Variants in CYYR1 observed in about 807,000 individuals in gnomAD.
CYYR1 encodes the protein cysteine and tyrosine-rich protein 1.
Under a neutral mutation model 15.2 loss-of-function variants are expected in CYYR1, and 14 were observed. That is an observed-to-expected ratio of 0.92 (90% CI 0.61 to 1.44). CYYR1 has a LOEUF of 1.44. CYYR1 is among the 40% of genes most tolerant of loss of function. The pLI, the probability that CYYR1 is intolerant of heterozygous loss-of-function variation, is 0.00. For synonymous variants in CYYR1, 80 were observed against 77.4 expected, an observed-to-expected ratio of 1.03 and a Z score of -0.18; for missense variants, 228 against 209.5, an observed-to-expected ratio of 1.09 and a Z score of -0.54.
Position 26,573,162 on chromosome 21 carries a change from G to T in CYYR1, c.-222C>A, listed in dbSNP as rs1318624431. 4.7e-6 allele frequency: 7 copies of T among 1,483,140 alleles called. No individual in the cohort carries two copies. In the East Asian group the frequency reaches 8.0e-5, roughly 17 times the overall value. The allele number at this position is 1,483,140 out of a possible 1,614,324, so 91.9% of individuals were successfully genotyped here. ...AGCTGGGGCGCCCGTGGCCCGAGACGGGCTGCGCTGGGGGCCCAGGTCTCT... is the reference window on the plus strand; with the variant it reads ...AGCTGGGGCGCCCGTGGCCCGAGACTGGCTGCGCTGGGGGCCCAGGTCTCT... On this transcript the variant is annotated 5_prime_UTR_variant, in exon 1 of 4. Coordinates refer to ENST00000652641, the MANE Select transcript of CYYR1 (RefSeq NM_001320768.2).
At chr21:26,567,017 A>G (rs1321414868) in intron 1 of CYYR1, among the ~76,000 whole-genome samples, 1 of 150,984 alleles carries the variant, frequency 6.6e-6, no homozygotes, top group Non-Finnish European at 1.5e-5. Flanking sequence ...TCAAAAAAAA[A>G]AAAAAAAAAA....
At position 26,560,322 on chromosome 21, in the gene CYYR1, C is replaced by T. The variant is rs558189905; in HGVS notation, c.176+5944G>A. Among the ~76,000 whole-genome samples, 7 of 152,140 alleles carry T rather than the reference C, an allele frequency of 4.6e-5. No homozygotes were observed. In the South Asian group the frequency reaches 8.3e-4, roughly 18 times the overall value. ...TATATCCTGCAATTTTGGTGAATTC[C>T]GTTATTTTTCATAGTCTGAGAAATA... On this transcript the variant is annotated intron_variant, in intron 2 of 3. Transcript: ENST00000652641.
At chr21:26,523,112 T>C (rs2065822393) in intron 2 of CYYR1, among the ~76,000 whole-genome samples, 2 of 152,232 alleles carry the variant, frequency 1.3e-5, no homozygotes, top group Admixed American at 1.3e-4. Context: ...GAAAGTATAA[T>C]AGGAAGCTGC....
At chr21:26,519,350 A>G (rs1453561238) in intron 2 of CYYR1, among the ~76,000 whole-genome samples, 5 of 152,198 alleles carry the variant, frequency 3.3e-5, no homozygotes, top group African/African-American at 1.2e-4. Flanking sequence ...AAGAACTGGG[A>G]AACAAAGACT....
In CYYR1 at chr21:26,566,293, T is replaced by C. The variant is rs1206614206; in HGVS notation, c.149A>G (p.Tyr50Cys). 1.2e-6 allele frequency: 2 copies of C among 1,613,608 alleles called. No individual in the cohort carries two copies. Among genetic ancestry groups the C allele is most frequent in the African/African-American group, 2.7e-5 (2 of 74,912 alleles). Reference protein sequence around the residue: ...CDGTTPYCCSYYAYIGNILSG... With the variant: ...CDGTTPYCCSCYAYIGNILSG... ...GAGGATATTCCCAATATAAGCGTAG[T>C]AGGAGCAACAGTAGGGCGTGGTTCC... Residue 50 changes from tyrosine to cysteine, a missense_variant, in exon 2 of 4, where the codon TAC (tyrosine) becomes TGC (cysteine). Transcript: ENST00000652641.
At chr21:26,516,189 C>T (rs1438151038) in intron 2 of CYYR1, among the ~76,000 whole-genome samples, 1 of 152,194 alleles carries the variant, frequency 6.6e-6, no homozygotes, top group East Asian at 1.9e-4. Context: ...ACACATCCTT[C>T]CAAGAAGTTC....
chr21:26,513,805 A>G (rs2065683425), intron 2 of CYYR1, among the ~76,000 whole-genome samples: 2 of 151,398 alleles, frequency 1.3e-5, no homozygotes. Context: ...TCAGCAAACT[A>G]TTGCAAGGAC....
At chr21:26,571,792 C>T (rs964301857) in intron 1 of CYYR1, among the ~76,000 whole-genome samples, 7 of 152,162 alleles carry the variant, frequency 4.6e-5, no homozygotes, top group Admixed American at 1.3e-4. Flanking sequence ...ACTTATCCTA[C>T]TTTTATGAAT....
intron 3 of CYYR1, among the ~76,000 whole-genome samples, chr21:26,469,325 G>GCTCCTATAAT (rs1250680247): frequency 1.3e-5 from 2 of 151,980 alleles, no homozygotes; most frequent in East Asian, 3.9e-4. Context: ...TTGGAGGGGG[G>GCTCCTATAAT]TGGAACCATT....
chr21:26,568,040 C>T (rs561896810), intron 1 of CYYR1: 1 of 152,300 alleles, frequency 6.6e-6, no homozygotes, highest in East Asian at 1.9e-4. Flanking sequence ...TTGTGAGATT[C>T]AGTAAGTACT....
At chr21:26,487,381 A>C (rs1467711860) in intron 2 of CYYR1, among the ~76,000 whole-genome samples, 1 of 152,134 alleles carries the variant, frequency 6.6e-6, no homozygotes, top group Non-Finnish European at 1.5e-5. Flanking sequence ...GATACACATG[A>C]GATGAATTAA....
At chr21:26,545,068 T>G (rs222954) in intron 2 of CYYR1, among the ~76,000 whole-genome samples, 20,425 of 152,240 alleles carry the variant, frequency 0.13, 1,382 homozygotes, top group Middle Eastern at 0.21. Context: ...TCAGAACACA[T>G]TAAATGACAA....
chr21:26,498,091 A>G (rs1036185248), intron 2 of CYYR1, among the ~76,000 whole-genome samples: 2 of 152,256 alleles, frequency 1.3e-5, no homozygotes, highest in Non-Finnish European at 2.9e-5. Flanking sequence ...ACATCTCTTC[A>G]TATATTCACT....
At position 26,566,388 on chromosome 21, in the gene CYYR1, T is replaced by C; in HGVS notation, c.74-20A>G. On this transcript the variant is annotated intron_variant, in intron 1 of 3. Transcript: ENST00000652641. ...AATCATCTACAAAACAAAAACCACT[T>C]GTGAGCAGTTATAGTTGTAAAATCA... 6.4e-7 allele frequency: 1 copy of C among 1,571,420 alleles called. No individual in the cohort carries two copies. Among genetic ancestry groups the C allele is most frequent in the Non-Finnish European group, 8.8e-7 (1 of 1,142,838 alleles).
chr21:26,548,323 GT>G, intron 2 of CYYR1, among the ~76,000 whole-genome samples: 1 of 152,116 alleles, frequency 6.6e-6, no homozygotes, highest in Admixed American at 6.5e-5. Context: ...ACAATGAAAT[GT>G]TTTTTGGTAA....
In CYYR1 at chr21:26,478,094, G is replaced by C. The variant is rs1452843017; in HGVS notation, c.334+2178C>G. The C allele has an allele frequency of 1.9e-6, 3 of 1,549,502 alleles. No homozygotes were observed. In the South Asian group the frequency reaches 3.6e-5, roughly 18 times the overall value. ...TCTTACATGCTTGGAATAGAGTGTT[G>C]AACAAAATAGACCAAGATCTCTGCC... is the stretch of plus-strand genomic sequence containing the variant. On this transcript the variant is annotated intron_variant, in intron 3 of 3. Coordinates refer to ENST00000652641, the MANE Select transcript of CYYR1 (RefSeq NM_001320768.2).
chr21:26,520,330 T>A (rs1378998466), intron 2 of CYYR1, among the ~76,000 whole-genome samples: 1 of 151,680 alleles, frequency 6.6e-6, no homozygotes, highest in East Asian at 1.9e-4. Flanking sequence ...ACATGTGTTG[T>A]TTGGTTTTCT....
intron 2 of CYYR1, among the ~76,000 whole-genome samples, chr21:26,528,365 C>T (rs1053365278): frequency 6.6e-6 from 1 of 152,046 alleles, no homozygotes; most frequent in African/African-American, 2.4e-5. Context: ...GGAGCAGGTC[C>T]CTCAGGAATG....
At chr21:26,482,524 C>T (rs2065195564) in intron 2 of CYYR1, 1 of 985,096 alleles carries the variant, frequency 1.0e-6, no homozygotes, top group Admixed American at 6.2e-5. Flanking sequence ...GTTTCTGGAC[C>T]CAATTCTTGC....
Sources: allele counts gnomAD v4.1 joint callset (sites outside exome capture counted in the v4.1 genomes callset), GRCh38; gene constraint gnomAD v4.1.1; transcripts MANE v1.5; gene names NCBI Gene and HGNC (gene_info 2026-07-23, HGNC 2026-07-21).